The following ATP2A2 variants were observed in gnomAD, a reference collection of about 807,000 sequenced individuals.
ATP2A2 encodes sarcoplasmic/endoplasmic reticulum calcium ATPase 2.
ATP2A2 carries 14 observed loss-of-function variants against 109.3 expected under a neutral mutation model. That is an observed-to-expected ratio of 0.13 (90% CI 0.08 to 0.20). The LOEUF is 0.20. Ranked by LOEUF, ATP2A2 falls within the 10% of genes least tolerant of loss-of-function variation. ATP2A2 has a pLI of 1.00. For synonymous variants in ATP2A2, 506 were observed against 490.9 expected, an observed-to-expected ratio of 1.03 and a Z score of -0.41; for missense variants, 657 against 1,321.6, an observed-to-expected ratio of 0.50 and a Z score of 7.80.
At position 110,340,836 on chromosome 12, in the gene ATP2A2, G is replaced by A. The variant is rs375145500; in HGVS notation, c.1939G>A (p.Val647Met). 5.0e-6 allele frequency: 8 copies of A among 1,614,132 alleles called. No individual in the cohort carries two copies. The highest frequency in any genetic ancestry group is 1.3e-5 in the African/African-American group (1 of 74,952). ...RIGIFGQDED[V>M]TSKAFTGREF... ...CGGCATCTTCGGGCAGGATGAGGAC[G>A]TGACGTCAAAAGCTTTCACAGGCCG... Residue 647 changes from valine to methionine, a missense_variant, in exon 14 of 20, where the codon GTG (valine) becomes ATG (methionine). By Grantham distance (21) the Val-to-Met change is conservative. Transcript: ENST00000539276. The surrounding 1 kb of genome is among the most constrained non-coding windows in gnomAD (Gnocchi z 6.0).
rs779803378 is a variant in ATP2A2, at chr12:110,281,868, G to C, written c.79G>C (p.Glu27Gln). ...CAACGAGAGTACGGGGCTGAGCCTG[G>C]AACAGGTCAAGAAGCTTAAGGAGAG... is the stretch of plus-strand genomic sequence containing the variant. ...GVNESTGLSL[E>Q]QVKKLKERWG... The change falls in exon 1 of 20, where the codon GAA becomes CAA. Residue 27 changes from glutamate (E) to glutamine (Q), a missense_variant. Around this residue, in one of 9 missense-constraint regions of ATP2A2, gnomAD observed 64 missense variants for 65.4 expected, o/e 0.98. Coordinates refer to ENST00000539276, the MANE Select transcript of ATP2A2 (RefSeq NM_170665.4). 6.3e-7 allele frequency: 1 copy of C among 1,579,610 alleles called. No individual in the cohort carries two copies. Among genetic ancestry groups the C allele is most frequent in the Non-Finnish European group, 8.6e-7 (1 of 1,164,836 alleles).
intron 15 of ATP2A2, 29 bp from the exon 16 acceptor site, chr12:110,343,203 C>CTT: frequency 6.2e-7 from 1 of 1,609,502 alleles, no homozygotes; most frequent in Non-Finnish European, 8.5e-7. Flanking sequence ...TTTGGGCTCT[C>CTT]TTTGTCTTCT....
At chr12:110,326,172 A>G (rs1181370902) in intron 6 of ATP2A2, 1 of 566,094 alleles carries the variant, frequency 1.8e-6, no homozygotes, top group African/African-American at 1.9e-5. Flanking sequence ...TTTATTTTGG[A>G]ATTGTGTTGA....
intron 3 of ATP2A2, among the ~76,000 whole-genome samples, chr12:110,284,178 A>C (rs1466863238): frequency 6.6e-6 from 1 of 152,216 alleles, no homozygotes; most frequent in Non-Finnish European, 1.5e-5. Flanking sequence ...TTGATTAAAA[A>C]ATTTTCCCCC....
intron 3 of ATP2A2, among the ~76,000 whole-genome samples, chr12:110,286,610 C>G (rs1200919419): frequency 6.6e-6 from 1 of 151,350 alleles, no homozygotes; most frequent in Non-Finnish European, 1.5e-5. Flanking sequence ...TTATTAATGA[C>G]TGAAAGTCCT....
chr12:110,324,318 A>G (rs1188417668), intron 6 of ATP2A2, among the ~76,000 whole-genome samples: 1 of 152,208 alleles, frequency 6.6e-6, no homozygotes, highest in African/African-American at 2.4e-5. Flanking sequence ...CTCATTAGCA[A>G]CAACAAGCTG....
rs752317160 is a variant in ATP2A2, at chr12:110,346,181, A to C, written c.2860-20A>C. 6 of 1,613,900 alleles carry C rather than the reference A, an allele frequency of 3.7e-6. No individual in the cohort carries two copies. The African/African-American group carries it at 8.0e-5, about 22-fold the overall frequency. ...TTCCAGGGGAGGCTGGAGGCGTGAC[A>C]CGTCTTCCCTGTGTGTCAGCTCATC... On this transcript the variant is annotated intron_variant, in intron 19 of 19. Coordinates refer to ENST00000539276, the MANE Select transcript of ATP2A2 (RefSeq NM_170665.4).
At chr12:110,282,158 C>T (rs541686159) in intron 1 of ATP2A2, among the ~76,000 whole-genome samples, 21 of 152,296 alleles carry the variant, frequency 1.4e-4, no homozygotes, top group Non-Finnish European at 2.9e-5. Context: ...TCTCCAGCAG[C>T]AGCCGGCCCC....
In ATP2A2 at chr12:110,348,748, C is replaced by G. The variant is rs1880121513; in HGVS notation, c.*2278C>G. 1.0e-6 allele frequency: 1 copy of G among 985,330 alleles called. No individual in the cohort carries two copies. Among genetic ancestry groups the G allele is most frequent in the Non-Finnish European group, 1.2e-6 (1 of 829,988 alleles). 61.0% of individuals were successfully genotyped at this position (985,330 alleles called of 1,614,324 possible). On this transcript the variant is annotated 3_prime_UTR_variant, in exon 20 of 20. Transcript: ENST00000539276. The stretch of plus-strand genomic sequence containing the variant: ...TGAAGCCTCCAAGGCTGCTCGCAGG[C>G]AGCTGTGGCTCTCGGGAAGGGAGGC...
intron 5 of ATP2A2, among the ~76,000 whole-genome samples, chr12:110,307,222 C>CGT (rs1555279254): frequency 7.9e-6 from 1 of 126,726 alleles, no homozygotes; most frequent in East Asian, 2.3e-4. Context: ...GCCCCACCAC[C>CGT]TTTTTTTTTT....
chr12:110,336,457 TG>T (rs1020060274), intron 11 of ATP2A2, among the ~76,000 whole-genome samples: 1 of 152,148 alleles, frequency 6.6e-6, no homozygotes, highest in Non-Finnish European at 1.5e-5. Flanking sequence ...ATTGTGTCAT[TG>T]GGGGGTAGTA....
chr12:110,281,606 T>G lies in ATP2A2; in HGVS notation c.-184T>G. ...GAGCTCGGGGCCGCGCGAGGGGCGG[T>G]TGTCTGGGGGAGGGGGCGCGGGGTG... is the stretch of plus-strand genomic sequence containing the variant. On this transcript the variant is annotated 5_prime_UTR_variant, in exon 1 of 20. Transcript: ENST00000539276. 4.1e-5 allele frequency: 14 copies of G among 344,252 alleles called. No individual in the cohort carries two copies. The highest frequency in any genetic ancestry group is 1.0e-4 in the East Asian group (2 of 19,612). The allele number at this position is 344,252 out of a possible 1,614,324, so 21.3% of individuals were successfully genotyped here.
chr12:110,300,778 A>G (rs1566209200), intron 5 of ATP2A2, among the ~76,000 whole-genome samples: 1 of 151,298 alleles, frequency 6.6e-6, no homozygotes, highest in Non-Finnish European at 1.5e-5. Flanking sequence ...GGTGTGAGCC[A>G]CTGTACCTGG....
intron 3 of ATP2A2, among the ~76,000 whole-genome samples, chr12:110,289,166 A>C (rs569297384): frequency 6.6e-6 from 1 of 152,312 alleles, no homozygotes; most frequent in South Asian, 2.1e-4. Context: ...TACTGCCAAG[A>C]GGGAAATTCA....
At chr12:110,283,254 A>T (rs1872332971) in intron 3 of ATP2A2, among the ~76,000 whole-genome samples, 1 of 152,226 alleles carries the variant, frequency 6.6e-6, no homozygotes. Context: ...CCTGACGGTG[A>T]CAAGAATGAT....
chr12:110,294,489 G>A (rs571298972), intron 4 of ATP2A2, among the ~76,000 whole-genome samples: 3 of 152,084 alleles, frequency 2.0e-5, no homozygotes, highest in East Asian at 2.0e-4. Context: ...GCAAGTCCCC[G>A]TCGCTACTAA....
At chr12:110,308,631 G>A (rs1303662958) in intron 5 of ATP2A2, among the ~76,000 whole-genome samples, 2 of 152,168 alleles carry the variant, frequency 1.3e-5, no homozygotes, top group African/African-American at 4.8e-5. Context: ...TATACACGTT[G>A]AGCCTTTTAA....
In ATP2A2 at chr12:110,339,142, T is replaced by C; in HGVS notation, c.1420-139T>C. On this transcript the variant is annotated intron_variant, in intron 11 of 19. Coordinates refer to ENST00000539276, the MANE Select transcript of ATP2A2 (RefSeq NM_170665.4). The surrounding 1 kb of genome is among the most constrained non-coding windows in gnomAD (Gnocchi z 4.4). ...TCTCTCCCAAAATAGGGGACAAGTT[T>C]CATGAGGGCAAAAACCTGTCTGTTT... The C allele has an allele frequency of 2.5e-6, 3 of 1,206,556 alleles. No individual in the cohort carries two copies. The highest frequency in any genetic ancestry group is 3.6e-6 in the Non-Finnish European group (3 of 837,622). 74.7% of individuals were successfully genotyped at this position (1,206,556 alleles called of 1,614,324 possible).
chr12:110,343,576 G>T, intron 16 of ATP2A2, 142 bp downstream of exon 16: 2 of 960,368 alleles, frequency 2.1e-6, no homozygotes, highest in South Asian at 1.4e-5. Context: ...CTTACAGTTC[G>T]ATGAACTATA....
Sources: gnomAD v4.1 joint callset for allele counts (sites outside exome capture counted in the v4.1 genomes callset) on GRCh38, gnomAD v4.1.1 for gene constraint, gnomAD v4.1.1 regional missense constraint, Gnocchi (gnomAD v3.1) non-coding constraint, MANE v1.5 for transcripts, NCBI Gene and HGNC (gene_info 2026-07-23, HGNC 2026-07-21) for gene names.